The following SHISA9 variants were observed in gnomAD, a reference collection of about 807,000 sequenced individuals.
SHISA9 encodes the protein shisa family member 9, also known as protein shisa-9.
A neutral mutation model predicts 38.0 loss-of-function variants in SHISA9; 13 were observed. The ratio of observed to expected loss-of-function variants is 0.34; its 90% CI spans 0.22 to 0.54. SHISA9 has a LOEUF of 0.54. Ranked by LOEUF, SHISA9 falls within the 20% of genes least tolerant of loss-of-function variation. The probability of loss-of-function intolerance (pLI) is 0.91; values close to 1 mark genes in which losing one functional copy is unlikely to be tolerated. For synonymous variants in SHISA9, 275 were observed against 242.0 expected (o/e 1.14, Z -1.27); for missense variants, 538 against 575.8 (o/e 0.93, Z 0.67).
At chr16:13,351,498 G>A in the SHISA9 span, among the ~76,000 whole-genome samples, 1 of 152,176 alleles carries the variant, frequency 6.6e-6, no homozygotes. Flanking sequence ...AAGGAAGCCA[G>A]GACAGTTGTA....
chr16:13,363,583 T>C, the SHISA9 span, among the ~76,000 whole-genome samples: 4 of 152,128 alleles, frequency 2.6e-5, no homozygotes, highest in Non-Finnish European at 1.5e-5. Flanking sequence ...GAAGTGGAGG[T>C]GCAGAAGAGC....
At chr16:13,407,960 GA>G in the SHISA9 span, among the ~76,000 whole-genome samples, 2 of 152,324 alleles carry the variant, frequency 1.3e-5, no homozygotes, top group African/African-American at 2.4e-5. Flanking sequence ...TCTAGAGATA[GA>G]TGTCTTATTA....
chr16:13,411,565 C>T, the SHISA9 span, among the ~76,000 whole-genome samples: 4 of 152,228 alleles, frequency 2.6e-5, no homozygotes, highest in Non-Finnish European at 5.9e-5. Flanking sequence ...TTCAGTGATC[C>T]AGGATCCTTC....
chr16:12,961,488 C>T (rs569976258), intron 2 of SHISA9, among the ~76,000 whole-genome samples: 101 of 152,200 alleles, frequency 6.6e-4, no homozygotes, highest in Middle Eastern at 3.4e-3. Context: ...TTAAATAAAC[C>T]ATATTACCTC....
At chr16:13,261,491 G>A in the SHISA9 span, among the ~76,000 whole-genome samples, 287 of 152,264 alleles carry the variant, frequency 1.9e-3, 2 homozygotes, top group African/African-American at 6.6e-3. Flanking sequence ...AATGCAAACT[G>A]AGGTTCTTCC....
chr16:13,167,224 C>T (rs188680638), intron 2 of SHISA9, among the ~76,000 whole-genome samples: 16 of 151,916 alleles, frequency 1.1e-4, no homozygotes, highest in African/African-American at 2.9e-4. Context: ...AGGCATGCAC[C>T]GCCACACCTG....
intron 2 of SHISA9, among the ~76,000 whole-genome samples, chr16:13,001,317 G>A (rs900246288): frequency 1.3e-5 from 2 of 152,242 alleles, no homozygotes; most frequent in Admixed American, 1.3e-4. Flanking sequence ...CAGGGTCCGG[G>A]GACCTGCTCC....
At chr16:13,123,089 C>T (rs996289030) in intron 2 of SHISA9, among the ~76,000 whole-genome samples, 16 of 152,160 alleles carry the variant, frequency 1.1e-4, no homozygotes, top group Admixed American at 2.6e-4. Flanking sequence ...GATGAGAAAC[C>T]AACTTGCCTA....
chr16:12,907,984 G>A (rs933220910), intron 1 of SHISA9, among the ~76,000 whole-genome samples: 4 of 152,190 alleles, frequency 2.6e-5, no homozygotes, highest in Admixed American at 1.3e-4. Context: ...CCAGTCAGAT[G>A]GCCTGAGATT....
the SHISA9 span, among the ~76,000 whole-genome samples, chr16:13,388,801 C>T: frequency 1.3e-5 from 2 of 152,116 alleles, no homozygotes; most frequent in African/African-American, 4.8e-5. Context: ...AAAGAAAGGA[C>T]CTCATTCTAG....
chr16:12,993,221 G>T (rs2072411616), intron 2 of SHISA9, among the ~76,000 whole-genome samples: 1 of 152,150 alleles, frequency 6.6e-6, no homozygotes, highest in Non-Finnish European at 1.5e-5. Flanking sequence ...ATAAGGGTTT[G>T]ATTTTCTCCT....
At chr16:12,937,766 C>T (rs982755054) in intron 2 of SHISA9, among the ~76,000 whole-genome samples, 1 of 152,226 alleles carries the variant, frequency 6.6e-6, no homozygotes, top group African/African-American at 2.4e-5. Context: ...TTCTCACAGA[C>T]CCCATCTTCA....
At chr16:13,289,694 T>C in the SHISA9 span, among the ~76,000 whole-genome samples, 133 of 148,654 alleles carry the variant, frequency 8.9e-4, no homozygotes, top group African/African-American at 3.1e-3. Flanking sequence ...GAGAGAGAGA[T>C]TGAGAGAGAC....
At chr16:13,522,036 C>T in the SHISA9 span, among the ~76,000 whole-genome samples, 4 of 152,200 alleles carry the variant, frequency 2.6e-5, no homozygotes, top group African/African-American at 4.8e-5. Context: ...ACAACAGCAA[C>T]GAACTTGACA....
the SHISA9 span, among the ~76,000 whole-genome samples, chr16:13,470,552 C>G: frequency 6.6e-6 from 1 of 152,124 alleles, no homozygotes; most frequent in Non-Finnish European, 1.5e-5. Flanking sequence ...ATAAAACCAA[C>G]AGATCTCATG....
At chr16:13,302,098 T>G in the SHISA9 span, among the ~76,000 whole-genome samples, 1 of 152,114 alleles carries the variant, frequency 6.6e-6, no homozygotes. Context: ...CACTGGTCCT[T>G]TCTTCCTTCA....
At position 13,066,578 on chromosome 16, in the gene SHISA9, C is replaced by T. The variant is rs779372070; in HGVS notation, c.692-136816C>T. On this transcript the variant is annotated intron_variant, in intron 2 of 4. Coordinates refer to ENST00000558583, the MANE Select transcript of SHISA9 (RefSeq NM_001145204.3). The stretch of plus-strand genomic sequence containing the variant: ...GAACTGATTGATAATGGGGTTAATG[C>T]GGGAAGGTCACCTAACTTCTATAAG... 1.6e-4 allele frequency among the ~76,000 whole-genome samples: 25 copies of T among 152,250 alleles called. 1 individual carries two copies. The South Asian group carries it at 1.9e-3, about 11-fold the overall frequency.
chr16:13,519,827 T>C, the SHISA9 span, among the ~76,000 whole-genome samples: 1 of 152,142 alleles, frequency 6.6e-6, no homozygotes, highest in East Asian at 1.9e-4. Context: ...ATGAGAACAG[T>C]ATGAAGGTAA....
the SHISA9 span, among the ~76,000 whole-genome samples, chr16:13,382,930 C>T: frequency 1.3e-5 from 2 of 152,054 alleles, no homozygotes; most frequent in Non-Finnish European, 2.9e-5. Flanking sequence ...AAGAATCAAG[C>T]AATATGTTAC....
Sources: gnomAD v4.1 joint callset for allele counts (sites outside exome capture counted in the v4.1 genomes callset) on GRCh38, gnomAD v4.1.1 for gene constraint, MANE v1.5 for transcripts, NCBI Gene and HGNC (gene_info 2026-07-23, HGNC 2026-07-21) for gene names.